Variants in HS6ST1 observed in about 807,000 individuals in gnomAD.
HS6ST1 encodes the protein heparan-sulfate 6-O-sulfotransferase 1.
In HS6ST1, 3 loss-of-function variants were observed where a neutral mutation model predicts 25.2. The ratio of observed to expected loss-of-function variants is 0.12; its 90% CI spans 0.05 to 0.31. The LOEUF (loss-of-function observed/expected upper bound fraction) is 0.31. Among genes scored for constraint, HS6ST1 ranks in the 10% least tolerant of loss-of-function variants. HS6ST1 has a pLI of 1.00. For missense variants in HS6ST1, 310 were observed against 609.6 expected (o/e 0.51, Z 5.18); for synonymous variants, 204 against 275.1 (o/e 0.74, Z 2.56).
At chr2:128,280,825 C>T (rs1425042352) in intron 1 of HS6ST1, among the ~76,000 whole-genome samples, 3 of 152,210 alleles carry the variant, frequency 2.0e-5, no homozygotes, top group African/African-American at 4.8e-5. Flanking sequence ...CCTGGGAAGG[C>T]TGTGCTGCCC....
At chr2:128,312,040 A>G (rs978735442) in intron 1 of HS6ST1, among the ~76,000 whole-genome samples, 1 of 152,230 alleles carries the variant, frequency 6.6e-6, no homozygotes, top group African/African-American at 2.4e-5. Context: ...CTCTGAGTGA[A>G]GGCTGCCAGG....
intron 1 of HS6ST1, among the ~76,000 whole-genome samples, chr2:128,295,123 C>T (rs879824138): frequency 2.6e-5 from 4 of 152,180 alleles, no homozygotes; most frequent in Non-Finnish European, 4.4e-5. Context: ...AGCCCTGGGT[C>T]CCTCTGTCCT....
intron 1 of HS6ST1, among the ~76,000 whole-genome samples, chr2:128,281,198 T>C (rs1353736712): frequency 6.6e-6 from 1 of 152,234 alleles, no homozygotes; most frequent in South Asian, 2.1e-4. Flanking sequence ...ACTGGCCAGC[T>C]GGTGCCTGCT....
intron 1 of HS6ST1, among the ~76,000 whole-genome samples, chr2:128,302,697 C>T (rs114800302): frequency 0.013 from 1,989 of 152,272 alleles, 38 homozygotes; most frequent in African/African-American, 0.045. Context: ...CCTGCCACCA[C>T]GGGGCTTCAA....
chr2:128,295,811 A>T (rs55867728), intron 1 of HS6ST1, among the ~76,000 whole-genome samples: 11,383 of 152,294 alleles, frequency 0.075, 605 homozygotes, highest in Non-Finnish European at 0.098. Flanking sequence ...GACAAAATTC[A>T]ATGCACCTGC....
chr2:128,281,865 A>T (rs1345682869), intron 1 of HS6ST1, among the ~76,000 whole-genome samples: 1 of 152,220 alleles, frequency 6.6e-6, no homozygotes, highest in Admixed American at 6.5e-5. Flanking sequence ...GTCACCCCAT[A>T]GGCATGAATT....
intron 1 of HS6ST1, among the ~76,000 whole-genome samples, chr2:128,313,701 A>C: frequency 6.6e-6 from 1 of 152,148 alleles, no homozygotes; most frequent in Admixed American, 6.5e-5. Flanking sequence ...CTGAGAAAGA[A>C]ACCTGGATTC....
intron 1 of HS6ST1, among the ~76,000 whole-genome samples, chr2:128,291,816 G>A (rs1693956418): frequency 1.3e-5 from 2 of 152,242 alleles, no homozygotes; most frequent in Admixed American, 1.3e-4. Flanking sequence ...CAGCTGTGCA[G>A]GGGCGCCGGC....
At chr2:128,293,814 C>G (rs1367965200) in intron 1 of HS6ST1, among the ~76,000 whole-genome samples, 1 of 152,180 alleles carries the variant, frequency 6.6e-6, no homozygotes, top group South Asian at 2.1e-4. Context: ...GCTCAGAAGG[C>G]CAGTGCTATG....
intron 1 of HS6ST1, among the ~76,000 whole-genome samples, chr2:128,271,346 C>T (rs980132526): frequency 7.2e-5 from 11 of 152,194 alleles, no homozygotes; most frequent in African/African-American, 2.4e-4. Context: ...ACCTAGCCAG[C>T]GCTGGGCCTA....
rs17016137 is a variant in HS6ST1 at position 128,306,112 on chromosome 2, G to A, written c.527+11925C>T. Among the ~76,000 whole-genome samples the A allele has an allele frequency of 6.1e-3, 930 of 152,250 alleles. 11 individuals are homozygous for A. The highest frequency in any genetic ancestry group is 0.022 in the African/African-American group (895 of 41,566). On this transcript the variant is annotated intron_variant, in intron 1 of 1. Transcript: ENST00000259241. ...TCAGTTTACTCATCTGCAAAACAGC[G>A]CCCCTGACAGTGAGGCCTGAATGAG...
At chr2:128,273,371 CTG>C (rs1693641086) in intron 1 of HS6ST1, among the ~76,000 whole-genome samples, 2 of 152,380 alleles carry the variant, frequency 1.3e-5, no homozygotes, top group South Asian at 4.1e-4. Context: ...TAGAAGCTGC[CTG>C]TGAGGCCAGC....
intron 1 of HS6ST1, among the ~76,000 whole-genome samples, chr2:128,301,439 C>G (rs971622031): frequency 5.3e-5 from 8 of 152,182 alleles, no homozygotes; most frequent in Admixed American, 3.3e-4. Flanking sequence ...ATCCTGGGAC[C>G]ATTTCAAAGA....
At chr2:128,283,126 C>T (rs987105622) in intron 1 of HS6ST1, among the ~76,000 whole-genome samples, 42 of 152,346 alleles carry the variant, frequency 2.8e-4, no homozygotes, top group Middle Eastern at 6.8e-3. Flanking sequence ...GCCACCCCTG[C>T]GAGCCCACTT....
Position 128,271,325 on chromosome 2 carries a change from T to C in HS6ST1, c.528-2455A>G, listed in dbSNP as rs190309913. ...GATGAGCCTTAGAGCCTGCTGGTCA[T>C]GTCTGGAGCCACCTAGCCAGCGCTG... On this transcript the variant is annotated intron_variant, in intron 1 of 1. Transcript: ENST00000259241. 1.3e-4 allele frequency among the ~76,000 whole-genome samples: 20 copies of C among 152,280 alleles called. No homozygotes were observed. The East Asian group carries it at 3.1e-3, about 24-fold the overall frequency.
chr2:128,307,199 G>T (rs2104934625), intron 1 of HS6ST1, among the ~76,000 whole-genome samples: 1 of 152,254 alleles, frequency 6.6e-6, no homozygotes, highest in Non-Finnish European at 1.5e-5. Context: ...GGCCTTCCTG[G>T]GCTCAGGGCT....
intron 1 of HS6ST1, among the ~76,000 whole-genome samples, chr2:128,301,750 A>G (rs962770662): frequency 1.3e-5 from 2 of 152,112 alleles, no homozygotes; most frequent in Admixed American, 1.3e-4. Flanking sequence ...TCAGGGGTAC[A>G]TGTGTGCTGG....
chr2:128,282,502 C>T (rs4662599), intron 1 of HS6ST1, among the ~76,000 whole-genome samples: 21,568 of 152,276 alleles, frequency 0.14, 1,755 homozygotes, highest in Non-Finnish European at 0.17. Context: ...AGCTGGGCTG[C>T]GGCCTGAGGA....
chr2:128,310,222 G>T (rs969630854), intron 1 of HS6ST1, among the ~76,000 whole-genome samples: 11 of 152,330 alleles, frequency 7.2e-5, no homozygotes, highest in African/African-American at 2.2e-4. Flanking sequence ...CGCAGCCTCA[G>T]CGCCTGGTCT....
Sources: gnomAD v4.1 joint callset for allele counts (sites outside exome capture counted in the v4.1 genomes callset) on GRCh38, gnomAD v4.1.1 for gene constraint, MANE v1.5 for transcripts, NCBI Gene and HGNC (gene_info 2026-07-23, HGNC 2026-07-21) for gene names.